SRRM4: variants seen among roughly 807,000 people sequenced by gnomAD.
SRRM4 encodes serine/arginine repetitive matrix 4.
Under a neutral mutation model 68.9 loss-of-function variants are expected in SRRM4, and 33 were observed. The ratio of observed to expected loss-of-function variants is 0.48; its 90% CI spans 0.36 to 0.64. The LOEUF is 0.64. Among genes scored for constraint, SRRM4 ranks in the 30% least tolerant of loss-of-function variants. SRRM4 has a pLI of 0.00. For synonymous variants in SRRM4, 318 were observed against 318.8 expected (o/e 1.00, Z 0.03); for missense variants, 817 against 827.1 (o/e 0.99, Z 0.15).
Position 119,027,807 on chromosome 12 carries a change from G to A in SRRM4, c.131+45794G>A, listed in dbSNP as rs147392266. Among the ~76,000 whole-genome samples the A allele has an allele frequency of 9.9e-5, 15 of 152,232 alleles. No individual in the cohort carries two copies. The East Asian group carries it at 1.9e-3, about 20-fold the overall frequency. On this transcript the variant is annotated intron_variant, in intron 1 of 12. Coordinates refer to ENST00000267260, the MANE Select transcript of SRRM4 (RefSeq NM_194286.4). ...ACACATAAAGGATATGAACCCTCCCGAGACCACAAAGCTGGTATAAATGGA... is the reference window on the plus strand; with the variant it reads ...ACACATAAAGGATATGAACCCTCCCAAGACCACAAAGCTGGTATAAATGGA...
intron 1 of SRRM4, among the ~76,000 whole-genome samples, chr12:119,083,247 C>T (rs138802102): frequency 1.8e-4 from 28 of 152,120 alleles, no homozygotes; most frequent in African/African-American, 2.4e-4. Context: ...ATGGGACCTG[C>T]GACTCCTTAC....
intron 1 of SRRM4, among the ~76,000 whole-genome samples, chr12:119,004,881 A>T (rs890462893): frequency 1.1e-4 from 16 of 151,918 alleles, no homozygotes; most frequent in Non-Finnish European, 2.2e-4. Flanking sequence ...TTCTTCCAGG[A>T]TCCATTTTCC....
At chr12:119,063,497 C>T (rs1178112198) in intron 1 of SRRM4, among the ~76,000 whole-genome samples, 7 of 152,152 alleles carry the variant, frequency 4.6e-5, no homozygotes, top group South Asian at 2.1e-4. Flanking sequence ...GGGGAAAAGG[C>T]GAATCACTCT....
intron 1 of SRRM4, among the ~76,000 whole-genome samples, chr12:119,075,608 A>G (rs150466463): frequency 1.3e-5 from 2 of 150,002 alleles, no homozygotes; most frequent in African/African-American, 2.5e-5. Flanking sequence ...GATGTTGATG[A>G]TGGTGGTGAT....
intron 1 of SRRM4, among the ~76,000 whole-genome samples, chr12:119,042,264 G>A (rs1394316077): frequency 6.6e-6 from 1 of 151,814 alleles, no homozygotes; most frequent in Non-Finnish European, 1.5e-5. Flanking sequence ...GGGCTAAAGA[G>A]AGCTGCAAGC....
intron 1 of SRRM4, among the ~76,000 whole-genome samples, chr12:119,095,173 C>T (rs1382819411): frequency 6.6e-6 from 1 of 152,206 alleles, no homozygotes; most frequent in Non-Finnish European, 1.5e-5. Context: ...GCCAAGACCT[C>T]AGGCCAGGAC....
At chr12:118,998,433 G>A (rs961177472) in intron 1 of SRRM4, among the ~76,000 whole-genome samples, 20 of 152,174 alleles carry the variant, frequency 1.3e-4, no homozygotes, top group Admixed American at 9.8e-4. Flanking sequence ...TGTCATCCTT[G>A]CAGGAAACAG....
chr12:119,136,027 G>GAA (rs11398305), intron 8 of SRRM4, among the ~76,000 whole-genome samples: 18 of 152,062 alleles, frequency 1.2e-4, no homozygotes, highest in Non-Finnish European at 4.4e-5. Context: ...TGCTCTGTGT[G>GAA]AAAAAAAGTA....
chr12:119,099,924 A>G (rs1954067997), intron 1 of SRRM4, among the ~76,000 whole-genome samples: 1 of 152,220 alleles, frequency 6.6e-6, no homozygotes, highest in Non-Finnish European at 1.5e-5. Flanking sequence ...TATTACTTCT[A>G]CTACATTCTT....
chr12:119,074,735 C>T (rs1381457100), intron 1 of SRRM4, among the ~76,000 whole-genome samples: 1 of 152,130 alleles, frequency 6.6e-6, no homozygotes, highest in African/African-American at 2.4e-5. Flanking sequence ...AACCACCACA[C>T]CCCTGACCCT....
chr12:119,066,392 C>T lies in SRRM4; in HGVS notation c.132-35844C>T, dbSNP rs192684356. Among the ~76,000 whole-genome samples, 188 of 152,310 alleles carry T rather than the reference C, an allele frequency of 1.2e-3. 1 individual carries two copies. Among genetic ancestry groups the T allele is most frequent in the Non-Finnish European group, 2.4e-3 (161 of 68,028 alleles). On this transcript the variant is annotated intron_variant, in intron 1 of 12. Transcript: ENST00000267260. ...AAAGAGGGAAAGAAACTGGATTCAGCTCTCAGTGAATGTGGTTGCAAATTG... is the reference window on the plus strand; with the variant it reads ...AAAGAGGGAAAGAAACTGGATTCAGTTCTCAGTGAATGTGGTTGCAAATTG...
chr12:119,046,015 C>G (rs570211773), intron 1 of SRRM4, among the ~76,000 whole-genome samples: 1 of 151,484 alleles, frequency 6.6e-6, no homozygotes, highest in Non-Finnish European at 1.5e-5. Context: ...TCCAGCCTGG[C>G]GACAGAGCGA....
intron 1 of SRRM4, among the ~76,000 whole-genome samples, chr12:118,989,288 A>G (rs531969762): frequency 8.5e-5 from 13 of 152,186 alleles, no homozygotes; most frequent in Non-Finnish European, 1.9e-4. Flanking sequence ...TGTGTTATGG[A>G]CAAGCATGAA....
At chr12:119,060,083 C>A (rs879337218) in intron 1 of SRRM4, among the ~76,000 whole-genome samples, 14 of 147,750 alleles carry the variant, frequency 9.5e-5, no homozygotes, top group Non-Finnish European at 1.7e-4. Flanking sequence ...GTAGATTTAA[C>A]CCACTTTTCC....
chr12:119,072,787 A>G (rs1052547459), intron 1 of SRRM4, among the ~76,000 whole-genome samples: 4 of 152,176 alleles, frequency 2.6e-5, no homozygotes, highest in Non-Finnish European at 2.9e-5. Context: ...CCTCCCTGAG[A>G]TTCCAGGCAC....
intron 1 of SRRM4, among the ~76,000 whole-genome samples, chr12:119,058,689 C>A (rs1204200444): frequency 6.6e-6 from 1 of 152,182 alleles, no homozygotes; most frequent in Non-Finnish European, 1.5e-5. Flanking sequence ...CCCCTCCCCA[C>A]TTCTTCTGAT....
chr12:119,151,739 C>T (rs900975949), intron 10 of SRRM4, among the ~76,000 whole-genome samples: 14 of 152,228 alleles, frequency 9.2e-5, no homozygotes, highest in Non-Finnish European at 1.6e-4. Context: ...CCCCAGCTGA[C>T]TCATCACTCT....
intron 1 of SRRM4, among the ~76,000 whole-genome samples, chr12:119,005,071 A>C (rs926243453): frequency 2.6e-5 from 4 of 152,238 alleles, no homozygotes; most frequent in Non-Finnish European, 4.4e-5. Flanking sequence ...AAACATAATA[A>C]AACTTTTACA....
chr12:119,124,161 A>C (rs1005406306), intron 6 of SRRM4: 1 of 152,228 alleles, frequency 6.6e-6, no homozygotes, highest in South Asian at 2.1e-4. Flanking sequence ...AGTGCCTGGC[A>C]TGAAGTATGT....
Sources: allele counts gnomAD v4.1 joint callset (sites outside exome capture counted in the v4.1 genomes callset), GRCh38; gene constraint gnomAD v4.1.1; transcripts MANE v1.5; gene names NCBI Gene and HGNC (gene_info 2026-07-23, HGNC 2026-07-21).